The following JARID2 variants were observed in gnomAD, a reference collection of about 807,000 sequenced individuals.
The protein encoded by JARID2 is jumonji and AT-rich interaction domain containing 2.
JARID2 carries 21 observed loss-of-function variants against 125.6 expected under a neutral mutation model. The ratio of observed to expected loss-of-function variants is 0.17; its 90% CI spans 0.12 to 0.24. The LOEUF is 0.24. Ranked by LOEUF, JARID2 falls within the 10% of genes least tolerant of loss-of-function variation. The pLI is 1.00. For missense variants in JARID2, 1,303 were observed against 1,639.6 expected (o/e 0.79, Z 3.55); for synonymous variants, 736 against 661.6 (o/e 1.11, Z -1.73).
chr6:15,292,102 C>T (rs1004610732), intron 1 of JARID2, among the ~76,000 whole-genome samples: 14 of 151,918 alleles, frequency 9.2e-5, no homozygotes, highest in Admixed American at 2.0e-4. Flanking sequence ...CTGCAAGCTT[C>T]GCCTCCCGGG....
intron 5 of JARID2, among the ~76,000 whole-genome samples, chr6:15,473,867 C>T (rs1277626646): frequency 6.6e-6 from 1 of 152,104 alleles, no homozygotes; most frequent in African/African-American, 2.4e-5. Context: ...GGAATAAAGC[C>T]AGCTTAGTAA....
chr6:15,477,781 T>C (rs1209908236), intron 5 of JARID2, among the ~76,000 whole-genome samples: 1 of 152,228 alleles, frequency 6.6e-6, no homozygotes, highest in East Asian at 1.9e-4. Flanking sequence ...TGTTAGAAAC[T>C]GCTGTGTTGC....
chr6:15,380,026 T>TC (rs1764517189), intron 2 of JARID2, among the ~76,000 whole-genome samples: 1 of 151,438 alleles, frequency 6.6e-6, no homozygotes, highest in South Asian at 2.1e-4. Context: ...TTTTTTTTTT[T>TC]TTTGGTCGGG....
Position 15,413,008 on chromosome 6 carries a change from G to GTTTTTTTTTTTTTTTTT in JARID2, c.323+2657_323+2658insTTTTTTTTTTTTTTTTT, listed in dbSNP as rs1041543140. ...ATACATGGGAAGAGCTTGTGTTTTT[G>GTTTTTTTTTTTTTTTTT]TTTTTTTTTTTTTTGTTTTTTTTTT... On this transcript the variant is annotated intron_variant, in intron 3 of 17. Transcript: ENST00000341776. Among the ~76,000 whole-genome samples the GTTTTTTTTTTTTTTTTT allele has an allele frequency of 1.1e-3, 54 of 47,494 alleles. 7 individuals are homozygous for GTTTTTTTTTTTTTTTTT. Among genetic ancestry groups the GTTTTTTTTTTTTTTTTT allele is most frequent in the Non-Finnish European group, 1.2e-3 (34 of 27,304 alleles). The allele number at this position is 47,494 out of a possible 152,430, so 31.2% of individuals were successfully genotyped here.
At chr6:15,272,215 C>T (rs552850546) in intron 1 of JARID2, among the ~76,000 whole-genome samples, 1 of 152,334 alleles carries the variant, frequency 6.6e-6, no homozygotes, top group South Asian at 2.1e-4. Flanking sequence ...CATCTTTTGG[C>T]CCCGTGGCCC....
At chr6:15,384,713 G>C (rs953942077) in intron 2 of JARID2, among the ~76,000 whole-genome samples, 1 of 151,810 alleles carries the variant, frequency 6.6e-6, no homozygotes, top group African/African-American at 2.4e-5. Context: ...CCAACCCCCC[G>C]AACTCAAGTT....
intron 1 of JARID2, among the ~76,000 whole-genome samples, chr6:15,255,628 G>A (rs1759633956): frequency 6.6e-6 from 1 of 152,132 alleles, no homozygotes; most frequent in Admixed American, 6.6e-5. Context: ...AAGTGGTAGT[G>A]TATTATCTGT....
chr6:15,363,643 T>C (rs57455698), intron 1 of JARID2, among the ~76,000 whole-genome samples: 2 of 152,188 alleles, frequency 1.3e-5, no homozygotes, highest in Non-Finnish European at 2.9e-5. Context: ...ACTTCACACC[T>C]CTGAACCTCA....
intron 2 of JARID2, among the ~76,000 whole-genome samples, chr6:15,398,177 G>T (rs186203734): frequency 7.1e-4 from 108 of 152,312 alleles, no homozygotes; most frequent in Non-Finnish European, 1.1e-3. Flanking sequence ...TTTAGGTTAT[G>T]TTTGAGTAGT....
At chr6:15,421,549 C>G (rs1054870134) in intron 3 of JARID2, among the ~76,000 whole-genome samples, 7 of 152,108 alleles carry the variant, frequency 4.6e-5, no homozygotes, top group Admixed American at 4.6e-4. Flanking sequence ...TATTAGAAGT[C>G]CTTCTTTGAA....
At chr6:15,426,108 T>G (rs191153480) in intron 3 of JARID2, among the ~76,000 whole-genome samples, 2 of 152,192 alleles carry the variant, frequency 1.3e-5, no homozygotes, top group Non-Finnish European at 2.9e-5. Flanking sequence ...ATGAGCTTCT[T>G]GAGTACTGGG....
At chr6:15,340,011 G>T (rs1400088609) in intron 1 of JARID2, among the ~76,000 whole-genome samples, 1 of 151,556 alleles carries the variant, frequency 6.6e-6, no homozygotes. Context: ...CCAGGCTGCA[G>T]TGCAGTGGTG....
intron 12 of JARID2, among the ~76,000 whole-genome samples, chr6:15,510,880 G>A (rs1323419467): frequency 1.3e-5 from 2 of 152,264 alleles, no homozygotes; most frequent in Admixed American, 1.3e-4. Flanking sequence ...ACATTATCAG[G>A]TGCTGCTCCT....
chr6:15,384,805 G>A (rs1764723511), intron 2 of JARID2, among the ~76,000 whole-genome samples: 1 of 152,132 alleles, frequency 6.6e-6, no homozygotes, highest in Non-Finnish European at 1.5e-5. Context: ...CCGGGCTTAA[G>A]TGATCCTCTT....
At chr6:15,322,485 G>GTAAC (rs1762392751) in intron 1 of JARID2, among the ~76,000 whole-genome samples, 1 of 152,228 alleles carries the variant, frequency 6.6e-6, no homozygotes, top group African/African-American at 2.4e-5. Context: ...GTGCTTTTAA[G>GTAAC]TAACATTCTT....
At chr6:15,282,087 A>G (rs1336550932) in intron 1 of JARID2, among the ~76,000 whole-genome samples, 6 of 151,984 alleles carry the variant, frequency 3.9e-5, no homozygotes, top group African/African-American at 1.2e-4. Flanking sequence ...ACAGGTGTGC[A>G]GTGCACCATC....
intron 1 of JARID2, among the ~76,000 whole-genome samples, chr6:15,304,763 C>T (rs971477821): frequency 6.6e-6 from 1 of 152,186 alleles, no homozygotes; most frequent in Non-Finnish European, 1.5e-5. Flanking sequence ...TACTTAGTAT[C>T]TGCTTTCTTA....
At chr6:15,423,068 C>G (rs946404486) in intron 3 of JARID2, among the ~76,000 whole-genome samples, 4 of 149,384 alleles carry the variant, frequency 2.7e-5, no homozygotes, top group African/African-American at 9.9e-5. Flanking sequence ...GTTACGATAT[C>G]GGCACACTGT....
chr6:15,459,490 G>T (rs1225279018), intron 4 of JARID2, among the ~76,000 whole-genome samples: 1 of 152,180 alleles, frequency 6.6e-6, no homozygotes, highest in Non-Finnish European at 1.5e-5. Context: ...GAATGTTTTT[G>T]ATCGACAGTT....
Sources: gnomAD v4.1 joint callset for allele counts (sites outside exome capture counted in the v4.1 genomes callset) on GRCh38, gnomAD v4.1.1 for gene constraint, MANE v1.5 for transcripts, NCBI Gene and HGNC (gene_info 2026-07-23, HGNC 2026-07-21) for gene names.